SARS1: variants seen among roughly 807,000 people sequenced by gnomAD.
SARS1 encodes seryl-tRNA synthetase 1.
A neutral mutation model predicts 63.7 loss-of-function variants in SARS1; 25 were observed. That is an observed-to-expected ratio of 0.39 (90% CI 0.29 to 0.55). The LOEUF is 0.55. Among genes scored for constraint, SARS1 ranks in the 20% least tolerant of loss-of-function variants. The pLI, the probability that SARS1 is intolerant of heterozygous loss-of-function variation, is 0.62. For missense variants in SARS1, 417 were observed against 649.7 expected, an observed-to-expected ratio of 0.64 and a Z score of 3.89; for synonymous variants, 231 against 243.5, an observed-to-expected ratio of 0.95 and a Z score of 0.48.
At position 109,238,030 on chromosome 1, in the gene SARS1, A is replaced by G; in HGVS notation, c.*142A>G. 1 of 859,626 alleles carries G rather than the reference A, an allele frequency of 1.2e-6. No homozygotes were observed. Among genetic ancestry groups the G allele is most frequent in the South Asian group, 1.8e-5 (1 of 57,004 alleles). The allele number at this position is 859,626 out of a possible 1,614,324, so 53.2% of individuals were successfully genotyped here. ...AGCTGAGAGGGGAACAGTGCCATGT[A>G]CCACACAGATGTTCCTGTCTCCTCG... On this transcript the variant is annotated 3_prime_UTR_variant, in exon 11 of 11. Transcript: ENST00000234677.
chr1:109,216,535 A>G, intron 1 of SARS1: 2 of 985,084 alleles, frequency 2.0e-6, no homozygotes, highest in South Asian at 4.7e-5. Flanking sequence ...GTAACTGGAA[A>G]TCTGCTGCAA....
At chr1:109,231,355 G>A (rs888682019) in intron 5 of SARS1, 8 of 301,996 alleles carry the variant, frequency 2.6e-5, no homozygotes, top group African/African-American at 1.5e-4. Context: ...AAAATCCACT[G>A]TCATAAGCTC....
intron 4 of SARS1, among the ~76,000 whole-genome samples, chr1:109,230,596 C>T (rs1655187914): frequency 6.6e-6 from 1 of 152,104 alleles, no homozygotes; most frequent in South Asian, 2.1e-4. Context: ...CACTCGAGCC[C>T]AGGAGTTCGA....
At position 109,229,807 on chromosome 1, in the gene SARS1, T is replaced by C. The variant is rs1024839399; in HGVS notation, c.447+235T>C. 5.3e-5 allele frequency among the ~76,000 whole-genome samples: 8 copies of C among 152,302 alleles called. No homozygotes were observed. In the East Asian group the frequency reaches 1.5e-3, roughly 29 times the overall value. On this transcript the variant is annotated intron_variant, in intron 4 of 10. Coordinates refer to ENST00000234677, the MANE Select transcript of SARS1 (RefSeq NM_006513.4). ...CACAGAAATCTCTTCTAAATAGGGCTGCTGTCCTCCGCTGCATGTTGCCCG... is the reference window on the plus strand; with the variant it reads ...CACAGAAATCTCTTCTAAATAGGGCCGCTGTCCTCCGCTGCATGTTGCCCG...
chr1:109,235,867 C>T lies in SARS1; in HGVS notation c.970-110C>T, dbSNP rs1570764237. The T allele has an allele frequency of 1.8e-6, 2 of 1,110,574 alleles. No homozygotes were observed. The highest frequency in any genetic ancestry group is 2.4e-5 in the East Asian group (1 of 41,640). 68.8% of individuals were successfully genotyped at this position (1,110,574 alleles called of 1,614,324 possible). On this transcript the variant is annotated intron_variant, in intron 7 of 10. Coordinates refer to ENST00000234677, the MANE Select transcript of SARS1 (RefSeq NM_006513.4). The surrounding 1 kb of genome is among the most constrained non-coding windows in gnomAD (Gnocchi z 4.7). Reference sequence around the variant, plus strand: ...CCCAGTTGCTGGGGGCCCAGACTTGCCTGCCTCCCAGTGGTGTGGAAACAG... The same window carrying T: ...CCCAGTTGCTGGGGGCCCAGACTTGTCTGCCTCCCAGTGGTGTGGAAACAG...
rs1654743359 is a variant in SARS1, at chr1:109,214,608, A to G, written c.136+480A>G. Reference sequence around the variant, plus strand: ...AACACAGTAGATTCATTCCTTCGGTATCGGAAGCATTTCGGGGCGTTGGAG... The same window carrying G: ...AACACAGTAGATTCATTCCTTCGGTGTCGGAAGCATTTCGGGGCGTTGGAG... On this transcript the variant is annotated intron_variant, in intron 1 of 10. Coordinates refer to ENST00000234677, the MANE Select transcript of SARS1 (RefSeq NM_006513.4). This position sits in a 1 kb window ranked among gnomAD's most constrained non-coding sequence, Gnocchi z 4.6. 7 of 985,948 alleles carry G rather than the reference A, an allele frequency of 7.1e-6. No homozygotes were observed. Among genetic ancestry groups the G allele is most frequent in the South Asian group, 4.7e-5 (1 of 21,346 alleles). The allele number at this position is 985,948 out of a possible 1,614,324, so 61.1% of individuals were successfully genotyped here.
chr1:109,221,991 T>C (rs1557715331), intron 1 of SARS1, among the ~76,000 whole-genome samples: 3 of 13,076 alleles, frequency 2.3e-4, no homozygotes, highest in Admixed American at 1.1e-3. Context: ...TATATATATA[T>C]ATATATATAT....
intron 6 of SARS1, 46 bp downstream of exon 6, chr1:109,231,832 A>G (rs753595583): frequency 1.4e-6 from 2 of 1,416,202 alleles, no homozygotes; most frequent in African/African-American, 2.9e-5. Context: ...TAAGTTATGT[A>G]GCTTAACTTC....
chr1:109,231,860 C>G (rs1655218974), intron 6 of SARS1, 74 bp downstream of exon 6: 1 of 1,282,562 alleles, frequency 7.8e-7, no homozygotes, highest in Admixed American at 3.3e-5. Context: ...CAGAGTGGTG[C>G]TGTCCAATAG....
intron 1 of SARS1, among the ~76,000 whole-genome samples, chr1:109,220,934 AT>A (rs1202875427): frequency 1.3e-5 from 2 of 151,914 alleles, no homozygotes; most frequent in African/African-American, 4.8e-5. Flanking sequence ...ATAGATCAAA[AT>A]TTTTTTTAAT....
At chr1:109,216,236 G>T in intron 1 of SARS1, 1 of 985,378 alleles carries the variant, frequency 1.0e-6, no homozygotes, top group Non-Finnish European at 1.2e-6. Flanking sequence ...GCCACATTAA[G>T]AACTCAGATC....
At chr1:109,236,846 G>A in intron 9 of SARS1, 1 of 1,602,824 alleles carries the variant, frequency 6.2e-7, no homozygotes, top group Non-Finnish European at 8.5e-7. Context: ...ACAAGTTGGA[G>A]GCTTCCCTCT....
At position 109,214,326 on chromosome 1, in the gene SARS1, G is replaced by A. The variant is rs530358781; in HGVS notation, c.136+198G>A. On this transcript the variant is annotated intron_variant, in intron 1 of 10. Transcript: ENST00000234677. The surrounding 1 kb of genome is among the most constrained non-coding windows in gnomAD (Gnocchi z 4.6). ...ATCCCACTTTCTCCTCCACCCGGGC[G>A]GAGCGAGGTCCCTTCCACGCGTGCT... Among the ~76,000 whole-genome samples, 24 of 152,302 alleles carry A rather than the reference G, an allele frequency of 1.6e-4. No homozygotes were observed. Among genetic ancestry groups the A allele is most frequent in the African/African-American group, 5.3e-4 (22 of 41,580 alleles).
intron 1 of SARS1, among the ~76,000 whole-genome samples, chr1:109,220,690 T>C (rs1202266013): frequency 6.6e-6 from 1 of 152,222 alleles, no homozygotes; most frequent in African/African-American, 2.4e-5. Flanking sequence ...TTGTGATGAA[T>C]AGAAGTTCCT....
At chr1:109,218,599 C>T (rs138914946) in intron 1 of SARS1, among the ~76,000 whole-genome samples, 1 of 152,240 alleles carries the variant, frequency 6.6e-6, no homozygotes, top group East Asian at 1.9e-4. Flanking sequence ...CAAAGTCCCC[C>T]ATGCCTTCCT....
At chr1:109,219,957 TGGATAAACTGG>T (rs1654893368) in intron 1 of SARS1, among the ~76,000 whole-genome samples, 1 of 152,238 alleles carries the variant, frequency 6.6e-6, no homozygotes, top group African/African-American at 2.4e-5. Context: ...GCATGACATT[TGGATAAACTGG>T]GTTGTTACCG....
chr1:109,215,609 G>C, intron 1 of SARS1: 1 of 982,374 alleles, frequency 1.0e-6, no homozygotes, highest in Non-Finnish European at 1.2e-6. Flanking sequence ...TCTGTCTTCA[G>C]GGCACTTTAT....
Position 109,231,009 on chromosome 1 carries a change from G to C in SARS1, c.579G>C (p.Gly193=). The C allele has an allele frequency of 6.6e-7, 1 of 1,510,760 alleles. No individual in the cohort carries two copies. The highest frequency in any genetic ancestry group is 8.8e-7 in the Non-Finnish European group (1 of 1,131,002). 93.6% of individuals were successfully genotyped at this position (1,510,760 alleles called of 1,614,324 possible). ...GGGCCGTGGTGGCTGGGAGTCGAGG[G>C]TACTTCTTGAAGGTAAGAGCTGGGA... ...EKGAVVAGSR[G]YFLKGVLVFL... Residue 193 remains glycine, a synonymous_variant, in exon 5 of 11, where the codon GGG becomes GGC. Coordinates refer to ENST00000234677, the MANE Select transcript of SARS1 (RefSeq NM_006513.4).
chr1:109,227,241 C>T (rs998131561), intron 2 of SARS1, among the ~76,000 whole-genome samples: 2 of 152,102 alleles, frequency 1.3e-5, no homozygotes, highest in African/African-American at 4.8e-5. Flanking sequence ...GATCCACCCA[C>T]CTCAGCCTCC....
Sources: gnomAD v4.1 joint callset for allele counts (sites outside exome capture counted in the v4.1 genomes callset) on GRCh38, gnomAD v4.1.1 for gene constraint, Gnocchi (gnomAD v3.1) non-coding constraint, MANE v1.5 for transcripts, NCBI Gene and HGNC (gene_info 2026-07-23, HGNC 2026-07-21) for gene names.